CDKL5: variants seen among roughly 807,000 people sequenced by gnomAD.
CDKL5 encodes cyclin dependent kinase like 5.
CDKL5 carries 8 observed loss-of-function variants against 61.7 expected under a neutral mutation model. The observed-to-expected ratio is 0.13, with a 90% CI of 0.08 to 0.23. The LOEUF (loss-of-function observed/expected upper bound fraction) is 0.23. Among genes scored for constraint, CDKL5 ranks in the 10% least tolerant of loss-of-function variants. CDKL5 has a pLI of 1.00. For missense variants in CDKL5, 440 were observed against 734.5 expected (o/e 0.60, Z 4.63); for synonymous variants, 275 against 272.3 (o/e 1.01, Z -0.10).
At position 18,646,135 on chromosome X, in the gene CDKL5, T is replaced by G. The variant is rs754853671; in HGVS notation, c.2797+45T>G. 2.1e-5 allele frequency: 25 copies of G among 1,208,074 alleles called. No homozygotes were observed. In the East Asian group the frequency reaches 4.7e-4, roughly 23 times the overall value. ...TGCCATCAAGCTGCCATAACGACCC[T>G]AGACTACTGAATGAAACTTTTTTTT... On this transcript the variant is annotated intron_variant, in intron 20 of 21. Coordinates refer to the CDKL5 transcript ENST00000379989.
At chrX:18,468,841 C>T (rs1290592855) in intron 1 of CDKL5, among the ~76,000 whole-genome samples, 1 of 111,219 alleles carries the variant, frequency 9.0e-6, no homozygotes, top group Non-Finnish European at 1.9e-5. Flanking sequence ...ATGGTTCTTA[C>T]TCATGGCAGA....
chrX:18,459,277 C>T (rs755794271), intron 1 of CDKL5, among the ~76,000 whole-genome samples: 3 of 111,240 alleles, frequency 2.7e-5, no homozygotes, highest in Non-Finnish European at 3.8e-5. Context: ...TACCTGAGGC[C>T]GAGCACCATG....
At chrX:18,651,321 TGAGA>T (rs1262247811) in intron 21 of CDKL5, among the ~76,000 whole-genome samples, 1 of 105,280 alleles carries the variant, frequency 9.5e-6, no homozygotes, top group East Asian at 3.0e-4. Flanking sequence ...GAGAGGGATG[TGAGA>T]GAGAAACTTG....
intron 20 of CDKL5, chrX:18,647,374 A>C: frequency 8.4e-7 from 1 of 1,186,984 alleles, no homozygotes; most frequent in South Asian, 1.8e-5. Context: ...ATATCTCAAT[A>C]CTCAACAAGC....
At chrX:18,557,324 G>A (rs1602259513) in intron 3 of CDKL5, among the ~76,000 whole-genome samples, 1 of 111,967 alleles carries the variant, frequency 8.9e-6, no homozygotes, top group Non-Finnish European at 1.9e-5. Context: ...GTACTAGGTA[G>A]TATAAGTAAT....
At chrX:18,618,451 A>G (rs989043757) in intron 15 of CDKL5, among the ~76,000 whole-genome samples, 7 of 111,598 alleles carry the variant, frequency 6.3e-5, no homozygotes, top group Non-Finnish European at 1.3e-4. Context: ...GTGATTCCAG[A>G]AAACCCCACT....
At chrX:18,533,905 A>G (rs1010885463) in intron 3 of CDKL5, among the ~76,000 whole-genome samples, 2 of 111,639 alleles carry the variant, frequency 1.8e-5, no homozygotes, top group Admixed American at 9.5e-5. Context: ...CCTCAGTCTG[A>G]TCCAGTTTCC....
intron 15 of CDKL5, among the ~76,000 whole-genome samples, chrX:18,617,735 C>T (rs1300574622): frequency 8.9e-6 from 1 of 112,025 alleles, no homozygotes; most frequent in Non-Finnish European, 1.9e-5. Context: ...ACGCTTCGCT[C>T]CTAGTTTTCA....
chrX:18,651,148 C>A (rs1206732884), intron 21 of CDKL5, among the ~76,000 whole-genome samples: 2 of 100,242 alleles, frequency 2.0e-5, no homozygotes, highest in African/African-American at 7.4e-5. Flanking sequence ...CCCCGCCACA[C>A]CCTCCAGAGA....
Position 18,604,649 on chromosome X carries a change from G to A in CDKL5, c.1725G>A (p.Glu575=), listed in dbSNP as rs778407047. 8.3e-7 allele frequency: 1 copy of A among 1,212,079 alleles called. No homozygotes were observed. Among genetic ancestry groups the A allele is most frequent in the South Asian group, 1.8e-5 (1 of 57,002 alleles). The change falls in exon 12 of 18, where the codon GAG becomes GAA. Residue 575 remains glutamate, a synonymous_variant. Coordinates refer to ENST00000623535, the MANE Select transcript of CDKL5 (RefSeq NM_001323289.2). The part of the protein sequence containing the change: ...SKTMEELKLP[E]HMDSSHSHSL... Reference sequence around the variant, plus strand: ...CGATGGAGGAATTGAAGCTGCCGGAGCACATGGACAGTAGCCATTCCCATT... The same window carrying A: ...CGATGGAGGAATTGAAGCTGCCGGAACACATGGACAGTAGCCATTCCCATT...
intron 3 of CDKL5, among the ~76,000 whole-genome samples, chrX:18,530,245 A>C (rs1923594083): frequency 9.4e-6 from 1 of 106,734 alleles, no homozygotes. Context: ...GGCAGGAAGA[A>C]TTGCTTGAAC....
At chrX:18,556,026 T>C (rs1924590771) in intron 3 of CDKL5, among the ~76,000 whole-genome samples, 1 of 112,021 alleles carries the variant, frequency 8.9e-6, no homozygotes, top group Non-Finnish European at 1.9e-5. Flanking sequence ...TCACTGAATA[T>C]CATGGATGGT....
chrX:18,521,522 ATTG>A (rs990248988), intron 3 of CDKL5, among the ~76,000 whole-genome samples: 7 of 111,156 alleles, frequency 6.3e-5, no homozygotes, highest in East Asian at 2.8e-4. Flanking sequence ...TCCATTTTGA[ATTG>A]TTGTTTGTAC....
intron 1 of CDKL5, among the ~76,000 whole-genome samples, chrX:18,464,301 G>GT (rs755469518): frequency 5.4e-5 from 6 of 110,209 alleles, no homozygotes; most frequent in Admixed American, 3.9e-4. Flanking sequence ...AGGATGGTCT[G>GT]TAACTCCTGA....
chrX:18,467,301 T>C (rs1361246310), intron 1 of CDKL5, among the ~76,000 whole-genome samples: 1 of 111,456 alleles, frequency 9.0e-6, no homozygotes, highest in East Asian at 2.8e-4. Flanking sequence ...TGAGGATCTT[T>C]GTTTTGGGTT....
chrX:18,462,424 A>G lies in CDKL5; in HGVS notation c.-163+36729A>G, dbSNP rs1347414905. On this transcript the variant is annotated intron_variant, in intron 1 of 17. Transcript: ENST00000623535. ...AACTCTTGGGCTCCACTCCAGACCT[A>G]CTGATTCAGAAACTCAGAAATCCCA... Among the ~76,000 whole-genome samples the G allele has an allele frequency of 8.0e-5, 9 of 112,066 alleles. No homozygotes were observed. The Admixed American group carries it at 8.6e-4, about 11-fold the overall frequency.
At chrX:18,569,080 A>C (rs1925058729) in intron 4 of CDKL5, among the ~76,000 whole-genome samples, 1 of 111,871 alleles carries the variant, frequency 8.9e-6, no homozygotes, top group Non-Finnish European at 1.9e-5. Context: ...TTCTCTCTGA[A>C]AGACTTTGAC....
intron 8 of CDKL5, among the ~76,000 whole-genome samples, chrX:18,586,682 A>G (rs1925653908): frequency 8.9e-6 from 1 of 112,190 alleles, no homozygotes; most frequent in African/African-American, 3.2e-5. Context: ...TAAGTTTTAT[A>G]TATTCTCAAG....
rs1375757185 is a variant in CDKL5, at chrX:18,580,574, A to C, written c.403+606A>C. Among the ~76,000 whole-genome samples the C allele has an allele frequency of 4.5e-5, 5 of 111,804 alleles. No individual in the cohort carries two copies. In the Admixed American group the frequency reaches 4.8e-4, roughly 11 times the overall value. On this transcript the variant is annotated intron_variant, in intron 6 of 17. Coordinates refer to ENST00000623535, the MANE Select transcript of CDKL5 (RefSeq NM_001323289.2). ...ACTCCCATAAACTGTTTTGTCCTTT[A>C]CTGCCATGAAGTGGGTGGTTTATAG...
Sources: allele counts gnomAD v4.1 joint callset (sites outside exome capture counted in the v4.1 genomes callset), GRCh38; gene constraint gnomAD v4.1.1; transcripts MANE v1.5; gene names NCBI Gene and HGNC (gene_info 2026-07-23, HGNC 2026-07-21).